Variants in DPP10 observed in about 807,000 individuals in gnomAD.
DPP10 encodes the protein dipeptidyl peptidase like 10.
In DPP10, 33 loss-of-function variants were observed where a neutral mutation model predicts 120.9. The ratio of observed to expected loss-of-function variants is 0.27; its 90% CI spans 0.21 to 0.37. The LOEUF is 0.37. DPP10 is among the 10% of genes least tolerant of loss of function. The pLI, the probability that DPP10 is intolerant of heterozygous loss-of-function variation, is 1.00. For synonymous variants in DPP10, 337 were observed against 326.1 expected (o/e 1.03, Z -0.36); for missense variants, 816 against 942.8 (o/e 0.87, Z 1.76).
intron 1 of DPP10, among the ~76,000 whole-genome samples, chr2:114,969,994 C>T (rs1699288673): frequency 6.6e-6 from 1 of 152,100 alleles, no homozygotes; most frequent in South Asian, 2.1e-4. Context: ...GGAATCTACT[C>T]TCAATAGCCA....
intron 1 of DPP10, among the ~76,000 whole-genome samples, chr2:114,613,727 A>G (rs1693458691): frequency 6.6e-6 from 1 of 152,226 alleles, no homozygotes; most frequent in Non-Finnish European, 1.5e-5. Flanking sequence ...CCAAATGCCC[A>G]TCAATGAGAG....
At chr2:114,946,156 T>C (rs1257864920) in intron 1 of DPP10, among the ~76,000 whole-genome samples, 1 of 152,160 alleles carries the variant, frequency 6.6e-6, no homozygotes, top group Non-Finnish European at 1.5e-5. Flanking sequence ...GGTATAAAAC[T>C]AAGAAAATCA....
chr2:115,821,326 C>A (rs1559201581), intron 21 of DPP10, among the ~76,000 whole-genome samples: 1 of 151,936 alleles, frequency 6.6e-6, no homozygotes, highest in Non-Finnish European at 1.5e-5. Context: ...TAAATTTAAT[C>A]TTTTGTTGTT....
intron 1 of DPP10, among the ~76,000 whole-genome samples, chr2:114,457,695 A>G (rs903572499): frequency 3.9e-5 from 6 of 152,178 alleles, no homozygotes; most frequent in African/African-American, 1.4e-4. Context: ...ATAACATTCT[A>G]TACCCTGTCT....
chr2:115,459,719 A>C (rs2073865887), intron 3 of DPP10, among the ~76,000 whole-genome samples: 1 of 151,916 alleles, frequency 6.6e-6, no homozygotes, highest in South Asian at 2.1e-4. Context: ...AGAAACAAAA[A>C]CTAAATATAA....
chr2:114,579,266 A>G (rs1041913667), intron 1 of DPP10, among the ~76,000 whole-genome samples: 3 of 152,194 alleles, frequency 2.0e-5, no homozygotes, highest in Admixed American at 1.3e-4. Flanking sequence ...GGAGCCCTTT[A>G]TAAGTGAGGG....
chr2:115,579,139 A>G (rs913013959), intron 5 of DPP10: 1 of 152,212 alleles, frequency 6.6e-6, no homozygotes, highest in African/African-American at 2.4e-5. Flanking sequence ...AGAGTTGCTT[A>G]TCCAAGGGCA....
At chr2:115,122,263 C>T (rs567257777) in intron 1 of DPP10, among the ~76,000 whole-genome samples, 1 of 152,226 alleles carries the variant, frequency 6.6e-6, no homozygotes, top group South Asian at 2.1e-4. Context: ...AGGAGGGCAC[C>T]CTCCCACCCC....
intron 1 of DPP10, among the ~76,000 whole-genome samples, chr2:115,187,057 A>C (rs1236853105): frequency 1.5e-5 from 1 of 67,446 alleles, no homozygotes; most frequent in South Asian, 5.4e-4. Context: ...TTTTTTTTTG[A>C]GACGGAGTTT....
chr2:115,416,045 A>G, intron 3 of DPP10, among the ~76,000 whole-genome samples: 1 of 151,860 alleles, frequency 6.6e-6, no homozygotes, highest in East Asian at 1.9e-4. Flanking sequence ...ACTTGAAGTC[A>G]TTTTTGGTTA....
intron 5 of DPP10, among the ~76,000 whole-genome samples, chr2:115,668,678 TC>T (rs1415546386): frequency 6.6e-6 from 1 of 152,100 alleles, no homozygotes; most frequent in South Asian, 2.1e-4. Context: ...AGGTAGTTTC[TC>T]TCGATGTCTC....
chr2:114,641,980 T>C (rs1248464446), intron 1 of DPP10, among the ~76,000 whole-genome samples: 1 of 151,942 alleles, frequency 6.6e-6, no homozygotes, highest in Non-Finnish European at 1.5e-5. Flanking sequence ...CATCATTCTT[T>C]AATGTTTGCT....
chr2:115,143,991 G>A (rs1324751157), intron 1 of DPP10: 1 of 152,182 alleles, frequency 6.6e-6, no homozygotes, highest in Non-Finnish European at 1.5e-5. Flanking sequence ...AAAATGCAGA[G>A]TTATTTCAGG....
At chr2:115,229,902 G>T (rs2057652960) in intron 1 of DPP10, among the ~76,000 whole-genome samples, 1 of 147,032 alleles carries the variant, frequency 6.8e-6, no homozygotes, top group Non-Finnish European at 1.5e-5. Flanking sequence ...TGGCTATTCT[G>T]GGTCTTTTGT....
intron 1 of DPP10, among the ~76,000 whole-genome samples, chr2:114,898,816 G>T (rs1038689265): frequency 2.0e-5 from 3 of 152,108 alleles, no homozygotes; most frequent in African/African-American, 7.2e-5. Context: ...TTCAAGAAAA[G>T]AACAGGGTTT....
intron 3 of DPP10, chr2:115,468,221 G>A: frequency 2.0e-6 from 1 of 501,402 alleles, no homozygotes; most frequent in Non-Finnish European, 4.0e-6. Context: ...GAGGACTCAG[G>A]AGAAGCTTCT....
intron 3 of DPP10, among the ~76,000 whole-genome samples, chr2:115,360,427 G>T (rs1266834481): frequency 1.3e-5 from 2 of 152,186 alleles, no homozygotes; most frequent in Non-Finnish European, 2.9e-5. Context: ...GTATTTCACA[G>T]GCAGTGTGTG....
rs367810992 is a variant in DPP10, at chr2:115,205,771, A to G, written c.61-103468A>G. On this transcript the variant is annotated intron_variant, in intron 1 of 25. Transcript: ENST00000410059. ...AGGCCATTATTGTCAGCAATTTAAC[A>G]TGGAAACAGAAAATCAAATACTGCG... 8.5e-5 allele frequency among the ~76,000 whole-genome samples: 13 copies of G among 152,278 alleles called. No homozygotes were observed. The South Asian group carries it at 2.5e-3, about 29-fold the overall frequency.
At chr2:114,544,284 G>A (rs1053594877) in intron 1 of DPP10, among the ~76,000 whole-genome samples, 1 of 152,164 alleles carries the variant, frequency 6.6e-6, no homozygotes, top group Non-Finnish European at 1.5e-5. Flanking sequence ...GAGCCAAAAA[G>A]CCCCACGAGG....
Sources: gnomAD v4.1 joint callset for allele counts (sites outside exome capture counted in the v4.1 genomes callset) on GRCh38, gnomAD v4.1.1 for gene constraint, MANE v1.5 for transcripts, NCBI Gene and HGNC (gene_info 2026-07-23, HGNC 2026-07-21) for gene names.